ANKS1B: variants seen among roughly 807,000 people sequenced by gnomAD.
ANKS1B encodes ankyrin repeat and sterile alpha motif domain containing 1B, also known as ankyrin repeat and sterile alpha motif domain-containing protein 1B.
Under a neutral mutation model 148.3 loss-of-function variants are expected in ANKS1B, and 36 were observed. That is an observed-to-expected ratio of 0.24 (90% CI 0.19 to 0.32). The LOEUF is 0.32. Among genes scored for constraint, ANKS1B ranks in the 10% least tolerant of loss-of-function variants. The pLI, the probability that ANKS1B is intolerant of heterozygous loss-of-function variation, is 1.00. For synonymous variants in ANKS1B, 542 were observed against 560.8 expected, an observed-to-expected ratio of 0.97 and a Z score of 0.47; for missense variants, 1,157 against 1,542.6, an observed-to-expected ratio of 0.75 and a Z score of 4.19.
intron 12 of ANKS1B, among the ~76,000 whole-genome samples, chr12:99,308,232 A>G (rs1462760140): frequency 2.0e-5 from 3 of 152,100 alleles, no homozygotes; most frequent in Admixed American, 2.0e-4. Context: ...GAGAATTAAG[A>G]CATAACATAT....
At chr12:99,784,492 T>C (rs1473129042) in intron 4 of ANKS1B, among the ~76,000 whole-genome samples, 2 of 152,002 alleles carry the variant, frequency 1.3e-5, no homozygotes, top group African/African-American at 4.8e-5. Flanking sequence ...TTCATAATCA[T>C]TTCATATTGC....
chr12:99,901,157 A>C (rs2093585322), intron 1 of ANKS1B, among the ~76,000 whole-genome samples: 1 of 152,228 alleles, frequency 6.6e-6, no homozygotes, highest in Admixed American at 6.5e-5. Flanking sequence ...TTTTAACCCT[A>C]GTTTATAGCA....
intron 9 of ANKS1B, among the ~76,000 whole-genome samples, chr12:99,611,634 G>A (rs947664665): frequency 6.6e-6 from 1 of 152,104 alleles, no homozygotes; most frequent in Middle Eastern, 3.2e-3. Context: ...TCCATCTTAT[G>A]TGAAGACTTA....
intron 9 of ANKS1B, among the ~76,000 whole-genome samples, chr12:99,587,692 T>C (rs1289142355): frequency 6.6e-6 from 1 of 152,158 alleles, no homozygotes; most frequent in African/African-American, 2.4e-5. Flanking sequence ...CAATACAATT[T>C]AGGGGCGAAT....
intron 15 of ANKS1B, among the ~76,000 whole-genome samples, chr12:99,108,866 G>C (rs1056088968): frequency 6.6e-6 from 1 of 152,082 alleles, no homozygotes; most frequent in Non-Finnish European, 1.5e-5. Flanking sequence ...AGTTGAGAGA[G>C]CAAAGATGAG....
At chr12:99,318,212 A>T (rs922544892) in intron 12 of ANKS1B, among the ~76,000 whole-genome samples, 1 of 152,080 alleles carries the variant, frequency 6.6e-6, no homozygotes, top group African/African-American at 2.4e-5. Flanking sequence ...CTCTTTTTCT[A>T]TTGAATGGAA....
chr12:99,591,107 T>A (rs1362352443), intron 9 of ANKS1B, among the ~76,000 whole-genome samples: 1 of 152,124 alleles, frequency 6.6e-6, no homozygotes, highest in Admixed American at 6.6e-5. Flanking sequence ...GTATGCTGTA[T>A]TTTAAAGTTA....
intron 8 of ANKS1B, among the ~76,000 whole-genome samples, chr12:99,727,026 C>T (rs1309663880): frequency 6.6e-6 from 1 of 152,098 alleles, no homozygotes; most frequent in Non-Finnish European, 1.5e-5. Context: ...AACCCACAGC[C>T]AATATCATAT....
intron 17 of ANKS1B, among the ~76,000 whole-genome samples, chr12:99,023,988 C>CAT (rs1221702973): frequency 1.3e-5 from 2 of 150,352 alleles, no homozygotes; most frequent in Non-Finnish European, 3.0e-5. Context: ...ATAAAGATTA[C>CAT]ATATATATAT....
At chr12:99,565,814 T>C (rs1174457557) in intron 9 of ANKS1B, among the ~76,000 whole-genome samples, 1 of 152,150 alleles carries the variant, frequency 6.6e-6, no homozygotes, top group African/African-American at 2.4e-5. Flanking sequence ...TTGTGGGTCT[T>C]CCATGGATTT....
intron 8 of ANKS1B, among the ~76,000 whole-genome samples, chr12:99,749,397 G>C (rs1177713910): frequency 1.3e-5 from 2 of 152,068 alleles, no homozygotes; most frequent in African/African-American, 4.8e-5. Context: ...AACCAGTGTA[G>C]AGGAAAATCC....
chr12:99,176,897 A>C (rs1566558250), intron 14 of ANKS1B, among the ~76,000 whole-genome samples: 1 of 152,178 alleles, frequency 6.6e-6, no homozygotes, highest in Non-Finnish European at 1.5e-5. Flanking sequence ...GCCATGCGCC[A>C]ATTAAGCCTC....
At chr12:99,316,863 A>G (rs929675256) in intron 12 of ANKS1B, among the ~76,000 whole-genome samples, 5 of 152,084 alleles carry the variant, frequency 3.3e-5, no homozygotes, top group Non-Finnish European at 5.9e-5. Context: ...GTAAGGAAGG[A>G]ATCCAGTTTC....
chr12:98,929,152 A>T (rs1030440795), intron 17 of ANKS1B, among the ~76,000 whole-genome samples: 4 of 152,044 alleles, frequency 2.6e-5, no homozygotes, highest in African/African-American at 9.7e-5. Flanking sequence ...AACAATTTGG[A>T]AGTGAAATTA....
At chr12:99,956,162 T>TC (rs2095320733) in intron 1 of ANKS1B, among the ~76,000 whole-genome samples, 1 of 150,928 alleles carries the variant, frequency 6.6e-6, no homozygotes, top group African/African-American at 2.4e-5. Flanking sequence ...CCTATAATCC[T>TC]AGATACTCAG....
At chr12:98,792,133 T>C (rs1016153658) in intron 22 of ANKS1B, among the ~76,000 whole-genome samples, 6 of 152,212 alleles carry the variant, frequency 3.9e-5, no homozygotes, top group African/African-American at 1.4e-4. Context: ...ATGAGAACTA[T>C]GGGGAAACTA....
intron 12 of ANKS1B, among the ~76,000 whole-genome samples, chr12:99,288,796 C>G (rs2079501448): frequency 6.6e-6 from 1 of 151,838 alleles, no homozygotes. Context: ...TTAAGATATA[C>G]CTCCTGAGAA....
chr12:99,817,386 G>A (rs963532876), intron 2 of ANKS1B, among the ~76,000 whole-genome samples: 4 of 151,534 alleles, frequency 2.6e-5, no homozygotes, highest in Non-Finnish European at 5.9e-5. Context: ...TTGTGTATAT[G>A]TGCCACATTT....
chr12:99,892,184 T>G (rs962939153), intron 1 of ANKS1B, among the ~76,000 whole-genome samples: 29 of 152,076 alleles, frequency 1.9e-4, no homozygotes, highest in Non-Finnish European at 2.8e-4. Flanking sequence ...TTTGTATTTT[T>G]AGTAGAGACG....
Sources: gnomAD v4.1 joint callset for allele counts (sites outside exome capture counted in the v4.1 genomes callset) on GRCh38, gnomAD v4.1.1 for gene constraint, MANE v1.5 for transcripts, NCBI Gene and HGNC (gene_info 2026-07-23, HGNC 2026-07-21) for gene names.